The following CNTN1 variants were observed in gnomAD, a reference collection of about 807,000 sequenced individuals.
The protein encoded by CNTN1 is contactin 1, also known as contactin-1.
CNTN1 carries 38 observed loss-of-function variants against 126.4 expected under a neutral mutation model. The observed-to-expected ratio is 0.30, with a 90% confidence interval of 0.23 to 0.39. The LOEUF is 0.39. Among genes scored for constraint, CNTN1 ranks in the 10% least tolerant of loss-of-function variants. The probability of loss-of-function intolerance (pLI) is 1.00; values close to 1 mark genes in which losing one functional copy is unlikely to be tolerated. For synonymous variants in CNTN1, 413 were observed against 422.6 expected, an observed-to-expected ratio of 0.98 and a Z score of 0.28; for missense variants, 1,009 against 1,248.4, an observed-to-expected ratio of 0.81 and a Z score of 2.89.
chr12:41,051,397 C>T (rs1037543199), intron 23 of CNTN1, among the ~76,000 whole-genome samples: 17 of 151,850 alleles, frequency 1.1e-4, no homozygotes, highest in African/African-American at 3.4e-4. Context: ...GTGATCCACC[C>T]ACCTCGGCCT....
At chr12:40,753,514 C>G (rs1412800588) in intron 1 of CNTN1, among the ~76,000 whole-genome samples, 1 of 152,080 alleles carries the variant, frequency 6.6e-6, no homozygotes, top group Non-Finnish European at 1.5e-5. Context: ...CAAACACGTC[C>G]TTCTTCACAT....
chr12:40,821,050 T>A (rs1349954455), intron 1 of CNTN1, among the ~76,000 whole-genome samples: 2 of 152,194 alleles, frequency 1.3e-5, no homozygotes, highest in African/African-American at 4.8e-5. Flanking sequence ...TGATTCGTAG[T>A]TCTCAGAAGC....
At chr12:40,779,276 CTGTT>C (rs1316402067) in intron 1 of CNTN1, among the ~76,000 whole-genome samples, 3 of 151,868 alleles carry the variant, frequency 2.0e-5, no homozygotes, top group South Asian at 2.1e-4. Flanking sequence ...ATTTCCCCGT[CTGTT>C]TGTGTGAATT....
Position 40,910,112 on chromosome 12 carries a change from T to G in CNTN1, c.94+7T>G. 1 of 1,601,154 alleles carries G rather than the reference T, an allele frequency of 6.2e-7. No individual in the cohort carries two copies. The highest frequency in any genetic ancestry group is 8.6e-7 in the Non-Finnish European group (1 of 1,169,130). On this transcript the variant is annotated splice_region_variant and intron_variant, in intron 3 of 23. Transcript: ENST00000551295. ...AGAAGATATGGTCATGGAGGTAAGT[T>G]GACCAAAGAGTAGACCTTGTAAACA... is the stretch of plus-strand genomic sequence containing the variant.
intron 14 of CNTN1, among the ~76,000 whole-genome samples, chr12:40,956,724 CAATAATGCTAT>C (rs1946897274): frequency 6.6e-6 from 1 of 152,036 alleles, no homozygotes; most frequent in African/African-American, 2.4e-5. Context: ...AAGTTGGCTA[CAATAATGCTAT>C]GGCTTTTGTC....
At chr12:41,009,895 G>T (rs1038587727) in intron 17 of CNTN1, among the ~76,000 whole-genome samples, 2 of 152,042 alleles carry the variant, frequency 1.3e-5, no homozygotes, top group African/African-American at 4.8e-5. Flanking sequence ...TTTGTCCTGG[G>T]GCTATAAGGA....
chr12:40,866,143 T>C (rs1943287429), intron 1 of CNTN1, among the ~76,000 whole-genome samples: 1 of 152,116 alleles, frequency 6.6e-6, no homozygotes, highest in African/African-American at 2.4e-5. Flanking sequence ...AGAATATGAT[T>C]ATTTTTTGCA....
At chr12:41,067,387 G>A (rs987319548) in intron 23 of CNTN1, among the ~76,000 whole-genome samples, 2 of 152,034 alleles carry the variant, frequency 1.3e-5, no homozygotes, top group African/African-American at 2.4e-5. Context: ...CACATATTCA[G>A]CCAAGTACAT....
At chr12:40,846,651 T>C (rs1269231952) in intron 1 of CNTN1, among the ~76,000 whole-genome samples, 1 of 151,986 alleles carries the variant, frequency 6.6e-6, no homozygotes, top group African/African-American at 2.4e-5. Flanking sequence ...CAGAAATGTA[T>C]AGGCATCCTC....
At chr12:40,800,603 G>A (rs1448079249) in intron 1 of CNTN1, among the ~76,000 whole-genome samples, 2 of 151,896 alleles carry the variant, frequency 1.3e-5, no homozygotes, top group Non-Finnish European at 2.9e-5. Flanking sequence ...GAAAAGTGAC[G>A]GCTTAATCAT....
intron 1 of CNTN1, among the ~76,000 whole-genome samples, chr12:40,836,071 T>C: frequency 9.4e-6 from 1 of 106,092 alleles, no homozygotes; most frequent in South Asian, 2.8e-4. Flanking sequence ...TACAGGTGTA[T>C]ATATACGTAC....
At chr12:40,752,124 T>C (rs182780546) in intron 1 of CNTN1, among the ~76,000 whole-genome samples, 31 of 152,264 alleles carry the variant, frequency 2.0e-4, no homozygotes, top group Admixed American at 1.5e-3. Context: ...GAATATATAA[T>C]TCTCCTTGAC....
chr12:40,848,518 C>T (rs1056585346), intron 1 of CNTN1, among the ~76,000 whole-genome samples: 2 of 152,122 alleles, frequency 1.3e-5, no homozygotes, highest in Non-Finnish European at 2.9e-5. Flanking sequence ...TCTAGCCCCT[C>T]ACTTGTTTTG....
chr12:40,807,446 C>T (rs368488795), intron 1 of CNTN1, among the ~76,000 whole-genome samples: 8 of 152,048 alleles, frequency 5.3e-5, no homozygotes, highest in East Asian at 1.9e-4. Context: ...ATAAGGAGGG[C>T]GAAAGGTGGC....
chr12:41,032,860 A>T (rs184213580), intron 23 of CNTN1, among the ~76,000 whole-genome samples: 211 of 152,268 alleles, frequency 1.4e-3, no homozygotes, highest in Non-Finnish European at 2.4e-3. Flanking sequence ...GCCTCAGTTG[A>T]CCTTTGAATC....
intron 23 of CNTN1, among the ~76,000 whole-genome samples, chr12:41,047,995 C>T (rs1822267726): frequency 6.6e-6 from 1 of 152,156 alleles, no homozygotes; most frequent in Non-Finnish European, 1.5e-5. Context: ...TCACTCTTTC[C>T]ATATCCAGCT....
At chr12:41,045,045 T>G (rs1949510865) in intron 23 of CNTN1, among the ~76,000 whole-genome samples, 1 of 152,056 alleles carries the variant, frequency 6.6e-6, no homozygotes, top group Non-Finnish European at 1.5e-5. Context: ...GTAAGCCTAA[T>G]TTTGTATTTT....
At chr12:40,768,111 C>T (rs1210108525) in intron 1 of CNTN1, among the ~76,000 whole-genome samples, 3 of 152,146 alleles carry the variant, frequency 2.0e-5, no homozygotes, top group Non-Finnish European at 2.9e-5. Context: ...CTCATATTCT[C>T]GATGTATCCT....
At chr12:40,801,229 G>T (rs1940641622) in intron 1 of CNTN1, among the ~76,000 whole-genome samples, 1 of 151,918 alleles carries the variant, frequency 6.6e-6, no homozygotes, top group South Asian at 2.1e-4. Context: ...TTAAAAATCA[G>T]ATCATCTGAC....
Sources: gnomAD v4.1 joint callset for allele counts (sites outside exome capture counted in the v4.1 genomes callset) on GRCh38, gnomAD v4.1.1 for gene constraint, MANE v1.5 for transcripts, NCBI Gene and HGNC (gene_info 2026-07-23, HGNC 2026-07-21) for gene names.